The following NIPAL2 variants were observed in gnomAD, a reference collection of about 807,000 sequenced individuals.
The protein encoded by NIPAL2 is NIPA like domain containing 2, also known as NIPA-like protein 2.
Under a neutral mutation model 48.9 loss-of-function variants are expected in NIPAL2, and 43 were observed. The ratio of observed to expected loss-of-function variants is 0.88; its 90% CI spans 0.69 to 1.13. The LOEUF (loss-of-function observed/expected upper bound fraction) is 1.13. Among genes scored for constraint, NIPAL2 ranks in the 50% most tolerant of loss-of-function variants. The pLI is 0.00. For missense variants in NIPAL2, 446 were observed against 461.4 expected (o/e 0.97, Z 0.31); for synonymous variants, 167 against 174.6 (o/e 0.96, Z 0.34).
chr8:98,230,480 T>G lies in NIPAL2; in HGVS notation c.436+5675A>C, dbSNP rs574939920. Among the ~76,000 whole-genome samples, 85 of 152,340 alleles carry G rather than the reference T, an allele frequency of 5.6e-4. 2 individuals are homozygous for G. The highest frequency in any genetic ancestry group is 3.9e-3 in the Admixed American group (60 of 15,300). ...AATCATTCTTTTACTGGAAAACCTCTCAGATCTTAATGTATTAGCATTCAC... is the reference window on the plus strand; with the variant it reads ...AATCATTCTTTTACTGGAAAACCTCGCAGATCTTAATGTATTAGCATTCAC... On this transcript the variant is annotated intron_variant, in intron 4 of 10. Coordinates refer to ENST00000430223, the MANE Select transcript of NIPAL2 (RefSeq NM_001321635.2).
chr8:98,293,883 GGA>G (rs1816623687), intron 1 of NIPAL2, 118 bp downstream of exon 1: 1 of 961,848 alleles, frequency 1.0e-6, no homozygotes, highest in Admixed American at 4.3e-5. Context: ...CTTCCCACTC[GGA>G]GAGGCCGGGT....
intron 5 of NIPAL2, among the ~76,000 whole-genome samples, chr8:98,221,709 C>T (rs1233872831): frequency 6.6e-6 from 1 of 152,094 alleles, no homozygotes. Context: ...CATCACTGGT[C>T]ATTAGAGAAA....
intron 1 of NIPAL2, among the ~76,000 whole-genome samples, chr8:98,268,622 GAA>G (rs56795032): frequency 1.2e-3 from 145 of 123,986 alleles, no homozygotes; most frequent in East Asian, 0.01. Context: ...CTGTCTCAAA[GAA>G]AAAAAAAAAA....
chr8:98,267,970 C>T (rs971854669), intron 1 of NIPAL2, among the ~76,000 whole-genome samples: 1 of 152,096 alleles, frequency 6.6e-6, no homozygotes, highest in Non-Finnish European at 1.5e-5. Flanking sequence ...TCCTAAGAAA[C>T]CACGAAAAGA....
At chr8:98,198,181 G>C (rs1370872422) in intron 8 of NIPAL2, among the ~76,000 whole-genome samples, 1 of 152,232 alleles carries the variant, frequency 6.6e-6, no homozygotes, top group African/African-American at 2.4e-5. Flanking sequence ...CTCCACAAGA[G>C]CTCTTGGGTG....
chr8:98,221,953 T>A (rs1026125406), intron 5 of NIPAL2, among the ~76,000 whole-genome samples: 1 of 152,208 alleles, frequency 6.6e-6, no homozygotes, highest in Admixed American at 6.5e-5. Context: ...CAAAGGATTA[T>A]AAATCATTCT....
chr8:98,228,608 G>A (rs1250424919), intron 4 of NIPAL2, among the ~76,000 whole-genome samples: 1 of 152,142 alleles, frequency 6.6e-6, no homozygotes, highest in Non-Finnish European at 1.5e-5. Context: ...AACTGAATAC[G>A]CTTCAAAGCC....
intron 3 of NIPAL2, among the ~76,000 whole-genome samples, chr8:98,237,553 C>A (rs1256239901): frequency 1.3e-5 from 2 of 152,070 alleles, no homozygotes; most frequent in Non-Finnish European, 2.9e-5. Flanking sequence ...GCTTTCAAAC[C>A]CCTAAGTGGC....
At chr8:98,226,934 C>T (rs1047577157) in intron 4 of NIPAL2, among the ~76,000 whole-genome samples, 1 of 152,124 alleles carries the variant, frequency 6.6e-6, no homozygotes, top group African/African-American at 2.4e-5. Context: ...TAGAAATTTA[C>T]CTGGTGTTCT....
chr8:98,273,570 C>G (rs1243254849), intron 1 of NIPAL2, among the ~76,000 whole-genome samples: 1 of 152,024 alleles, frequency 6.6e-6, no homozygotes, highest in Non-Finnish European at 1.5e-5. Flanking sequence ...TTAAAAAACA[C>G]TATAGGTAGA....
intron 1 of NIPAL2, among the ~76,000 whole-genome samples, chr8:98,274,087 T>A (rs1173499565): frequency 6.6e-6 from 1 of 152,126 alleles, no homozygotes; most frequent in African/African-American, 2.4e-5. Flanking sequence ...GTCAGAAATG[T>A]GCTGTGTGTG....
intron 1 of NIPAL2, 97 bp downstream of exon 1, chr8:98,293,906 G>A (rs1477287256): frequency 3.5e-6 from 4 of 1,157,416 alleles, no homozygotes; most frequent in Middle Eastern, 3.1e-4. Context: ...GTCTTCCTGA[G>A]AGCTGGCAGG....
Position 98,236,320 on chromosome 8 carries a change from T to C in NIPAL2, c.377-106A>G, listed in dbSNP as rs973528624. 5.9e-6 allele frequency: 4 copies of C among 678,808 alleles called. No individual in the cohort carries two copies. In the African/African-American group the frequency reaches 7.5e-5, roughly 13 times the overall value. The allele number at this position is 678,808 out of a possible 1,614,324, so 42.0% of individuals were successfully genotyped here. A position where few individuals can be genotyped will look rare whatever the true frequency, so the allele number is the denominator to read the frequency against. Reference sequence around the variant, plus strand: ...TTTGTGCCTTATGCCTGATGAGCTATGTCCTGATCAGAGACATTCAGCAGT... The same window carrying C: ...TTTGTGCCTTATGCCTGATGAGCTACGTCCTGATCAGAGACATTCAGCAGT... On this transcript the variant is annotated intron_variant, in intron 3 of 10. Transcript: ENST00000430223.
Position 98,256,637 on chromosome 8 carries a change from A to AG in NIPAL2, c.136-2551_136-2550insC, listed in dbSNP as rs1813910340. Among the ~76,000 whole-genome samples the AG allele has an allele frequency of 2.6e-5, 4 of 151,878 alleles. No individual in the cohort carries two copies. In the South Asian group the frequency reaches 8.3e-4, roughly 32 times the overall value. Reference sequence around the variant, plus strand: ...CCAGTAGGATGGCTATAATTAAAAAAAAAAAGAGAAAAGAAGTGTTAGCAA... The same window carrying AG: ...CCAGTAGGATGGCTATAATTAAAAAAGAAAAAGAGAAAAGAAGTGTTAGCAA... On this transcript the variant is annotated intron_variant, in intron 1 of 10. Transcript: ENST00000430223.
In NIPAL2 at chr8:98,294,235, C is replaced by T. The variant is rs1816654500; in HGVS notation, c.-98G>A. 1.7e-6 allele frequency: 2 copies of T among 1,174,916 alleles called. No individual in the cohort carries two copies. Among genetic ancestry groups the T allele is most frequent in the Admixed American group, 9.3e-5 (2 of 21,566 alleles). The allele number at this position is 1,174,916 out of a possible 1,614,324, so 72.8% of individuals were successfully genotyped here. ...GGCCGCGCCGCAGCCACTTCCTGCT[C>T]GGTGCCCGGGCGAGGCGGGCGCGCC... is the stretch of plus-strand genomic sequence containing the variant. On this transcript the variant is annotated 5_prime_UTR_variant, in exon 1 of 11. Transcript: ENST00000430223.
intron 6 of NIPAL2, among the ~76,000 whole-genome samples, chr8:98,211,612 A>G (rs2130723565): frequency 6.6e-6 from 1 of 152,340 alleles, no homozygotes; most frequent in East Asian, 1.9e-4. Flanking sequence ...TGTGTGGGCC[A>G]TCTGACTGGC....
chr8:98,250,323 A>G (rs1656362878), intron 3 of NIPAL2, among the ~76,000 whole-genome samples: 1 of 152,020 alleles, frequency 6.6e-6, no homozygotes, highest in South Asian at 2.1e-4. Context: ...AGACACAGAC[A>G]TAAGAGACAT....
intron 1 of NIPAL2, among the ~76,000 whole-genome samples, chr8:98,279,951 G>C (rs528658763): frequency 2.6e-5 from 4 of 152,300 alleles, no homozygotes; most frequent in African/African-American, 9.6e-5. Context: ...AATTTATATA[G>C]AATGAGGTTC....
chr8:98,256,889 G>T (rs548808449), intron 1 of NIPAL2, among the ~76,000 whole-genome samples: 4 of 152,134 alleles, frequency 2.6e-5, no homozygotes. Context: ...TAGCCAAAAG[G>T]TGGAAAAAAC....
Sources: allele counts gnomAD v4.1 joint callset (sites outside exome capture counted in the v4.1 genomes callset), GRCh38; gene constraint gnomAD v4.1.1; transcripts MANE v1.5; gene names NCBI Gene and HGNC (gene_info 2026-07-23, HGNC 2026-07-21).